POMGNT1: variants seen among roughly 807,000 people sequenced by gnomAD.
The protein encoded by POMGNT1 is protein O-linked-mannose beta-1,2-N-acetylglucosaminyltransferase 1.
POMGNT1 carries 67 observed loss-of-function variants against 95.6 expected under a neutral mutation model. That is an observed-to-expected ratio of 0.70 (90% CI 0.58 to 0.86). The LOEUF (loss-of-function observed/expected upper bound fraction) is 0.86, where lower values mean the gene tolerates loss of function less well. Ranked by LOEUF, POMGNT1 falls within the 40% of genes least tolerant of loss-of-function variation. The pLI, the probability that POMGNT1 is intolerant of heterozygous loss-of-function variation, is 0.00. For synonymous variants in POMGNT1, 298 were observed against 317.9 expected, an observed-to-expected ratio of 0.94 and a Z score of 0.66; for missense variants, 719 against 855.2, an observed-to-expected ratio of 0.84 and a Z score of 1.99.
chr1:46,207,673 G>A (rs966243708), intron 1 of POMGNT1, among the ~76,000 whole-genome samples: 4 of 151,674 alleles, frequency 2.6e-5, no homozygotes, highest in Non-Finnish European at 4.4e-5. Context: ...CGAGTAGCTG[G>A]GACTACAGGC....
chr1:46,213,166 TATG>T (rs1436213594), intron 1 of POMGNT1, among the ~76,000 whole-genome samples: 1 of 151,878 alleles, frequency 6.6e-6, no homozygotes, highest in African/African-American at 2.4e-5. Flanking sequence ...CAAATATTTA[TATG>T]ATGTTTCAGT....
rs199723646 is a variant in POMGNT1 at position 46,189,477 on chromosome 1, C to T, written c.1876G>A (p.Val626Ile). The change falls in exon 21 of 22, where the codon GTC (valine) becomes ATC (isoleucine). Residue 626 changes from valine (V) to isoleucine (I), a missense_variant. Val to Ile is a conservative substitution (Grantham distance 29). Transcript: ENST00000371984. Reference protein sequence around the residue: ...RKKNHFLMVGVPASPYSVKKP... With the variant: ...RKKNHFLMVGIPASPYSVKKP... Reference sequence around the variant, plus strand: ...ACTCACGAGTAGGGGGAAGCCGGGACCCCCACCATCAGGAAGTGGTTCTTC... The same window carrying T: ...ACTCACGAGTAGGGGGAAGCCGGGATCCCCACCATCAGGAAGTGGTTCTTC... 9 of 1,613,556 alleles carry T rather than the reference C, an allele frequency of 5.6e-6. No homozygotes were observed. Among genetic ancestry groups the T allele is most frequent in the Non-Finnish European group, 7.6e-6 (9 of 1,179,750 alleles).
Position 46,196,165 on chromosome 1 carries a change from G to A in POMGNT1, c.355-88C>T. ...GGGGTACTTAAAACACCAGCTGCTTGAAACATCACCTCCTGCCTATGTTTC... is the reference window on the plus strand; with the variant it reads ...GGGGTACTTAAAACACCAGCTGCTTAAAACATCACCTCCTGCCTATGTTTC... On this transcript the variant is annotated intron_variant, in intron 4 of 21. Transcript: ENST00000371984. The surrounding 1 kb of genome is among the most constrained non-coding windows in gnomAD (Gnocchi z 4.4). The A allele has an allele frequency of 2.5e-6, 4 of 1,600,564 alleles. No individual in the cohort carries two copies. The highest frequency in any genetic ancestry group is 2.6e-6 in the Non-Finnish European group (3 of 1,175,716).
intron 1 of POMGNT1, among the ~76,000 whole-genome samples, chr1:46,208,409 A>G (rs1049018149): frequency 6.6e-6 from 1 of 152,214 alleles, no homozygotes; most frequent in Non-Finnish European, 1.5e-5. Context: ...TGCCACACCA[A>G]TAAGAAACAA....
Position 46,193,193 on chromosome 1 carries a change from G to C in POMGNT1, c.1133C>G (p.Ala378Gly). Residue 378 changes from alanine (A) to glycine (G), a missense_variant, in exon 13 of 22, where the codon GCC (alanine) becomes GGC (glycine). By Grantham distance (60) the Ala-to-Gly change is moderately conservative (BLOSUM62 0). Coordinates refer to ENST00000371984, the MANE Select transcript of POMGNT1 (RefSeq NM_017739.4). The part of the protein sequence containing the change: ...VSQHYKASLT[A>G]TFNLFPEAKF... ...ACTCACCGGAAACAGGTTGAAAGTG[G>C]CAGTGAGGCTGGCCTTGTAGTGCTG... The C allele has an allele frequency of 6.2e-7, 1 of 1,614,224 alleles. No individual in the cohort carries two copies. The highest frequency in any genetic ancestry group is 8.5e-7 in the Non-Finnish European group (1 of 1,180,038).
chr1:46,198,661 C>T (rs1658434662), upstream of POMGNT1, among the ~76,000 whole-genome samples: 1 of 152,148 alleles, frequency 6.6e-6, no homozygotes, highest in Non-Finnish European at 1.5e-5. Context: ...AGCCCGCTCC[C>T]CAGCACCGCC....
chr1:46,217,285 A>G (rs1006162846), intron 1 of POMGNT1, among the ~76,000 whole-genome samples: 1 of 152,206 alleles, frequency 6.6e-6, no homozygotes, highest in Non-Finnish European at 1.5e-5. Flanking sequence ...CGTGTCATGC[A>G]TTCAAAAGCC....
rs987847968 is a variant in POMGNT1 at position 46,196,183 on chromosome 1, T to C, written c.355-106A>G. 1.3e-6 allele frequency: 2 copies of C among 1,574,728 alleles called. No homozygotes were observed. The highest frequency in any genetic ancestry group is 1.7e-6 in the Non-Finnish European group (2 of 1,163,170). On this transcript the variant is annotated intron_variant, in intron 4 of 21. Coordinates refer to ENST00000371984, the MANE Select transcript of POMGNT1 (RefSeq NM_017739.4). This position sits in a 1 kb window ranked among gnomAD's most constrained non-coding sequence, Gnocchi z 4.4. ...GCTGCTTGAAACATCACCTCCTGCCTATGTTTCTGTTCACACAGTTCTTTT... is the reference window on the plus strand; with the variant it reads ...GCTGCTTGAAACATCACCTCCTGCCCATGTTTCTGTTCACACAGTTCTTTT...
chr1:46,197,581 T>C, intron 2 of POMGNT1, 121 bp downstream of exon 2: 1 of 1,572,010 alleles, frequency 6.4e-7, no homozygotes, highest in Non-Finnish European at 8.7e-7. Flanking sequence ...AGGTCTCCCC[T>C]CTAGGAACCT....
In POMGNT1 at chr1:46,191,883, A is replaced by C. The variant is rs7519275; in HGVS notation, c.1539+215T>G. ...TCTCCTGACCTTGTGATCCACCCGC[A>C]TCGGCCTCCCAAAGTGCTGGGATTA... On this transcript the variant is annotated intron_variant, in intron 17 of 21. Transcript: ENST00000371984. 210,830 of 594,666 alleles carry C rather than the reference A, an allele frequency of 0.35. 38,670 individuals are homozygous for C. Among genetic ancestry groups the C allele is most frequent in the South Asian group, 0.45 (24,741 of 55,276 alleles). The allele number at this position is 594,666 out of a possible 1,614,324, so 36.8% of individuals were successfully genotyped here. A position where few individuals can be genotyped will look rare whatever the true frequency, so the allele number is the denominator to read the frequency against.
chr1:46,200,279 C>G (rs1658498945), upstream of POMGNT1, among the ~76,000 whole-genome samples: 1 of 152,232 alleles, frequency 6.6e-6, no homozygotes, highest in Non-Finnish European at 1.5e-5. Context: ...CTCATGACCT[C>G]TGTTACCAAT....
Position 46,196,962 on chromosome 1 carries a change from A to AG in POMGNT1, c.235+7dup. 1 of 1,614,176 alleles carries AG rather than the reference A, an allele frequency of 6.2e-7. No homozygotes were observed. The highest frequency in any genetic ancestry group is 8.5e-7 in the Non-Finnish European group (1 of 1,180,018). On this transcript the variant is annotated splice_region_variant and intron_variant, in intron 3 of 21. Transcript: ENST00000371984. This position sits in a 1 kb window ranked among gnomAD's most constrained non-coding sequence, Gnocchi z 4.4. ...AGGCCCCCTACCCCATCCTTAGCCT[A>AG]GCCCTACCATAGTCTTGCTCTGGCT...
In POMGNT1 at chr1:46,192,452, C is replaced by T; in HGVS notation, c.1285-16G>A. On this transcript the variant is annotated splice_polypyrimidine_tract_variant and intron_variant, in intron 15 of 21. Transcript: ENST00000371984. ...GTTCATACCCCTGGGGACAGGGTGC[C>T]ATAGTGGGAGGTATTAGCTGAGGCC... 6.2e-7 allele frequency: 1 copy of T among 1,614,122 alleles called. No individual in the cohort carries two copies. Among genetic ancestry groups the T allele is most frequent in the African/African-American group, 1.3e-5 (1 of 75,018 alleles).
At chr1:46,197,585 G>A (rs1658345016) in intron 2 of POMGNT1, 117 bp downstream of exon 2, 1 of 1,571,788 alleles carries the variant, frequency 6.4e-7, no homozygotes, top group Non-Finnish European at 8.7e-7. Context: ...CTCCCCTCTA[G>A]GAACCTGCTG....
At chr1:46,198,518 G>GGGC (rs562692247), upstream of POMGNT1, 3,411 of 147,522 alleles carry the variant, frequency 0.023, 100 homozygotes, top group African/African-American at 0.08. Context: ...GCGGTGCTTA[G>GGGC]GGCGGCGGCG....
intron 1 of POMGNT1, among the ~76,000 whole-genome samples, chr1:46,216,043 CTT>C (rs141982741): frequency 7.3e-4 from 68 of 92,548 alleles, no homozygotes; most frequent in African/African-American, 9.5e-4. Context: ...TTTATTTTAT[CTT>C]TTTTTTTTTT....
chr1:46,192,696 G>A (rs1450215183), intron 14 of POMGNT1, 106 bp from the exon 15 acceptor site: 2 of 1,600,006 alleles, frequency 1.3e-6, no homozygotes, highest in Non-Finnish European at 1.7e-6. Flanking sequence ...CTCCTTCCTG[G>A]AGTACCTCCT....
rs764839449 is a variant in POMGNT1 at position 46,196,751 on chromosome 1, C to T, written c.334G>A (p.Val112Met). 1.2e-6 allele frequency: 2 copies of T among 1,614,226 alleles called. No homozygotes were observed. Among genetic ancestry groups the T allele is most frequent in the Non-Finnish European group, 1.7e-6 (2 of 1,180,050 alleles). The stretch of plus-strand genomic sequence containing the variant: ...CTGACCGTGGTGCCATCCACTGCCA[C>T]ATATACTTTGCTGCGACTTGAATAC... ...EVYSSRSKVY[V>M]AVDGTTVLED... Residue 112 changes from valine to methionine, a missense_variant, in exon 4 of 22, where the codon GTG becomes ATG. Transcript: ENST00000371984. The surrounding 1 kb of genome is among the most constrained non-coding windows in gnomAD (Gnocchi z 4.4).
At chr1:46,202,921 GTGTGTGT>G (rs1658587988), upstream of POMGNT1, among the ~76,000 whole-genome samples, 5 of 33,030 alleles carry the variant, frequency 1.5e-4, no homozygotes, top group African/African-American at 7.0e-4. Context: ...GGGGGGGGTG[GTGTGTGT>G]GTGTGTGTGT....
Sources: gnomAD v4.1 joint callset for allele counts (sites outside exome capture counted in the v4.1 genomes callset) on GRCh38, gnomAD v4.1.1 for gene constraint, Gnocchi (gnomAD v3.1) non-coding constraint, MANE v1.5 for transcripts, NCBI Gene and HGNC (gene_info 2026-07-23, HGNC 2026-07-21) for gene names.